Variants in GOLPH3L observed in about 807,000 individuals in gnomAD.
GOLPH3L encodes golgi phosphoprotein 3 like.
A neutral mutation model predicts 30.3 loss-of-function variants in GOLPH3L; 22 were observed. The ratio of observed to expected loss-of-function variants is 0.73; its 90% CI spans 0.52 to 1.04. The LOEUF (loss-of-function observed/expected upper bound fraction) is 1.04. GOLPH3L is among the 50% of genes least tolerant of loss of function. The pLI is 0.00. For missense variants in GOLPH3L, 303 were observed against 345.8 expected, an observed-to-expected ratio of 0.88 and a Z score of 0.98; for synonymous variants, 120 against 128.2, an observed-to-expected ratio of 0.94 and a Z score of 0.43.
intron 4 of GOLPH3L, among the ~76,000 whole-genome samples, chr1:150,654,991 A>C (rs763259678): frequency 6.6e-6 from 1 of 152,234 alleles, no homozygotes; most frequent in Non-Finnish European, 1.5e-5. Context: ...TGGAAAGCAG[A>C]GCCAGGAGAG....
At position 150,646,476 on chromosome 1, in the gene GOLPH3L, T is replaced by G. The variant is rs1649981147; in HGVS notation, c.*1845A>C. 6.6e-6 allele frequency: 1 copy of G among 152,214 alleles called. No individual in the cohort carries two copies. Among genetic ancestry groups the G allele is most frequent in the Non-Finnish European group, 1.5e-5 (1 of 68,022 alleles). The allele number at this position is 152,214 out of a possible 1,614,324, so 9.4% of individuals were successfully genotyped here. On this transcript the variant is annotated 3_prime_UTR_variant, in exon 5 of 5. Coordinates refer to ENST00000271732, the MANE Select transcript of GOLPH3L (RefSeq NM_018178.6). ...GAATTGTTCAAAGAAAAGAAAAAGC[T>G]AAATCAGTTAGAGACAACACATGGA...
intron 4 of GOLPH3L, among the ~76,000 whole-genome samples, chr1:150,658,288 G>C (rs1571036441): frequency 6.6e-6 from 1 of 152,326 alleles, no homozygotes; most frequent in South Asian, 2.1e-4. Context: ...GGGACAACCA[G>C]TCGCAATGAG....
At chr1:150,696,387 T>C (rs911073422) in intron 1 of GOLPH3L, among the ~76,000 whole-genome samples, 6 of 152,188 alleles carry the variant, frequency 3.9e-5, no homozygotes, top group African/African-American at 1.4e-4. Flanking sequence ...TTATTTATAC[T>C]CACTTCCTTT....
chr1:150,659,557 C>T (rs1650322996), intron 4 of GOLPH3L, among the ~76,000 whole-genome samples: 1 of 152,108 alleles, frequency 6.6e-6, no homozygotes, highest in African/African-American at 2.4e-5. Context: ...GATTGGCTTG[C>T]TGTCAATAAA....
intron 2 of GOLPH3L, among the ~76,000 whole-genome samples, chr1:150,670,554 G>A (rs902486417): frequency 3.1e-4 from 46 of 146,898 alleles, no homozygotes; most frequent in African/African-American, 1.1e-3. Context: ...CCGAGATTGT[G>A]CCACTGCACT....
At chr1:150,667,581 CTTTTT>C (rs940783149) in intron 2 of GOLPH3L, among the ~76,000 whole-genome samples, 37 of 145,754 alleles carry the variant, frequency 2.5e-4, no homozygotes, top group African/African-American at 9.3e-4. Context: ...CTAGTCTTTT[CTTTTT>C]TTTTCTTTCT....
intron 2 of GOLPH3L, among the ~76,000 whole-genome samples, chr1:150,664,776 G>T (rs1442419252): frequency 6.6e-6 from 1 of 152,138 alleles, no homozygotes. Flanking sequence ...TTGATGGGAG[G>T]TATAATAGAA....
intron 2 of GOLPH3L, among the ~76,000 whole-genome samples, chr1:150,677,973 G>C (rs1047303493): frequency 6.6e-6 from 1 of 151,398 alleles, no homozygotes; most frequent in Non-Finnish European, 1.5e-5. Flanking sequence ...TTGGCTATGG[G>C]TTATCAAGTA....
At chr1:150,696,267 T>G (rs1275907266) in intron 1 of GOLPH3L, among the ~76,000 whole-genome samples, 2 of 152,180 alleles carry the variant, frequency 1.3e-5, no homozygotes, top group Non-Finnish European at 2.9e-5. Context: ...TTTCTCTTCC[T>G]CTTTACATTC....
At chr1:150,661,998 C>G (rs1650379224) in intron 3 of GOLPH3L, 70 bp from the exon 4 acceptor site, 1 of 776,222 alleles carries the variant, frequency 1.3e-6, no homozygotes, top group Non-Finnish European at 2.4e-6. Context: ...TTCAATATAT[C>G]ATGTATATGT....
chr1:150,651,642 C>CA (rs59940841), intron 4 of GOLPH3L, among the ~76,000 whole-genome samples: 787 of 60,752 alleles, frequency 0.013, 11 homozygotes, highest in African/African-American at 0.045. Flanking sequence ...GAGCGAAACT[C>CA]AAAAAAAAAA....
intron 2 of GOLPH3L, among the ~76,000 whole-genome samples, chr1:150,684,590 T>C (rs1206280492): frequency 6.6e-6 from 1 of 152,216 alleles, no homozygotes; most frequent in Non-Finnish European, 1.5e-5. Flanking sequence ...ATGTGTGACA[T>C]GGGTTCTAAT....
At chr1:150,684,840 GTAT>G (rs1228358170) in intron 2 of GOLPH3L, among the ~76,000 whole-genome samples, 2 of 151,982 alleles carry the variant, frequency 1.3e-5, no homozygotes, top group Non-Finnish European at 2.9e-5. Context: ...GCTAATTTTT[GTAT>G]TATTAGTAGA....
At chr1:150,688,761 A>T (rs867036244) in intron 2 of GOLPH3L, among the ~76,000 whole-genome samples, 1 of 152,000 alleles carries the variant, frequency 6.6e-6, no homozygotes, top group Non-Finnish European at 1.5e-5. Context: ...AAACAAACAA[A>T]CAACAAAAAA....
Position 150,647,061 on chromosome 1 carries a change from A to G in GOLPH3L, c.*1260T>C, listed in dbSNP as rs1649991231. The G allele has an allele frequency of 1.3e-5, 2 of 152,232 alleles. No homozygotes were observed. The highest frequency in any genetic ancestry group is 4.8e-5 in the African/African-American group (2 of 41,462). The allele number at this position is 152,232 out of a possible 1,614,324, so 9.4% of individuals were successfully genotyped here. A position where few individuals can be genotyped will look rare whatever the true frequency, so the allele number is the denominator to read the frequency against. Reference sequence around the variant, plus strand: ...AAATATAGACAAAACTACTCCCAGAAACCTTAAATATAGACAGACTTTATT... The same window carrying G: ...AAATATAGACAAAACTACTCCCAGAGACCTTAAATATAGACAGACTTTATT... On this transcript the variant is annotated 3_prime_UTR_variant, in exon 5 of 5. Transcript: ENST00000271732.
intron 2 of GOLPH3L, among the ~76,000 whole-genome samples, chr1:150,681,628 T>C (rs1166993835): frequency 6.6e-6 from 1 of 152,152 alleles, no homozygotes; most frequent in Admixed American, 6.6e-5. Flanking sequence ...AATAATAATA[T>C]ACATTTATTC....
At chr1:150,678,276 C>A (rs1650863816) in intron 2 of GOLPH3L, among the ~76,000 whole-genome samples, 1 of 68,530 alleles carries the variant, frequency 1.5e-5, no homozygotes, top group South Asian at 6.7e-4. Context: ...AAGATCGAAA[C>A]TCCGTCTCAA....
At chr1:150,675,081 T>C (rs587648035) in intron 2 of GOLPH3L, among the ~76,000 whole-genome samples, 34 of 152,150 alleles carry the variant, frequency 2.2e-4, no homozygotes, top group African/African-American at 6.3e-4. Flanking sequence ...GGTCTGGCTA[T>C]GTTGCCCAGG....
At chr1:150,676,589 C>G (rs921398094) in intron 2 of GOLPH3L, among the ~76,000 whole-genome samples, 4 of 150,574 alleles carry the variant, frequency 2.7e-5, no homozygotes, top group Non-Finnish European at 1.5e-5. Flanking sequence ...TTGTTTGAAT[C>G]TGGAGCCAAA....
Sources: gnomAD v4.1 joint callset for allele counts (sites outside exome capture counted in the v4.1 genomes callset) on GRCh38, gnomAD v4.1.1 for gene constraint, MANE v1.5 for transcripts, NCBI Gene and HGNC (gene_info 2026-07-23, HGNC 2026-07-21) for gene names.